Variants in IL1RAPL1 observed in about 807,000 individuals in gnomAD.
IL1RAPL1 encodes the protein interleukin-1 receptor accessory protein-like 1.
A neutral mutation model predicts 48.4 loss-of-function variants in IL1RAPL1; 3 were observed. The ratio of observed to expected loss-of-function variants is 0.06; its 90% CI spans 0.03 to 0.16. The LOEUF (loss-of-function observed/expected upper bound fraction) is 0.16. Ranked by LOEUF, IL1RAPL1 falls within the 10% of genes least tolerant of loss-of-function variation. The pLI is 1.00. For missense variants in IL1RAPL1, 349 were observed against 530.6 expected, an observed-to-expected ratio of 0.66 and a Z score of 3.36; for synonymous variants, 185 against 187.7, an observed-to-expected ratio of 0.99 and a Z score of 0.12.
chrX:29,631,623 T>A (rs1461154389), intron 5 of IL1RAPL1, among the ~76,000 whole-genome samples: 2 of 111,255 alleles, frequency 1.8e-5, no homozygotes, highest in Admixed American at 9.6e-5. Flanking sequence ...ATGCTATATG[T>A]CATAGATATT....
chrX:29,206,475 A>G (rs1930668928), intron 2 of IL1RAPL1, among the ~76,000 whole-genome samples: 1 of 111,572 alleles, frequency 9.0e-6, no homozygotes, highest in South Asian at 3.7e-4. Context: ...AGACAATTAC[A>G]TTTGAGATTG....
intron 5 of IL1RAPL1, among the ~76,000 whole-genome samples, chrX:29,509,875 C>A (rs1410424310): frequency 2.7e-5 from 3 of 111,995 alleles, no homozygotes; most frequent in Non-Finnish European, 5.6e-5. Flanking sequence ...TTAGAGTAAT[C>A]TTGGAAGTAA....
At chrX:29,073,430 G>C (rs1361398222) in intron 2 of IL1RAPL1, among the ~76,000 whole-genome samples, 1 of 111,197 alleles carries the variant, frequency 9.0e-6, no homozygotes, top group African/African-American at 3.3e-5. Flanking sequence ...CTCTCGCTTT[G>C]ATTACACCGT....
At chrX:29,215,040 T>G (rs2147545031) in intron 2 of IL1RAPL1, among the ~76,000 whole-genome samples, 1 of 111,422 alleles carries the variant, frequency 9.0e-6, no homozygotes, top group Non-Finnish European at 1.9e-5. Context: ...TACTAAAGGC[T>G]GTCAAGATTT....
intron 1 of IL1RAPL1, among the ~76,000 whole-genome samples, chrX:28,609,184 T>C (rs1212599524): frequency 2.7e-5 from 3 of 112,189 alleles, no homozygotes; most frequent in Non-Finnish European, 5.6e-5. Flanking sequence ...CTTCCTTTAT[T>C]ATTGCTTCAA....
In IL1RAPL1 at chrX:29,203,728, T is replaced by G. The variant is rs1205944414; in HGVS notation, c.83-79210T>G. On this transcript the variant is annotated intron_variant, in intron 2 of 10. Transcript: ENST00000378993. ...GAGCAAAACTCCGTCTCAAAATATATATATATATATATATATATATATATA... is the reference window on the plus strand; with the variant it reads ...GAGCAAAACTCCGTCTCAAAATATAGATATATATATATATATATATATATA... Among the ~76,000 whole-genome samples, 57 of 6,990 alleles carry G rather than the reference T, an allele frequency of 8.2e-3. 2 individuals are homozygous for G. Among genetic ancestry groups the G allele is most frequent in the African/African-American group, 0.022 (56 of 2,513 alleles). The allele number at this position is 6,990 out of a possible 115,157, so 6.1% of individuals were successfully genotyped here. A position where few individuals can be genotyped will look rare whatever the true frequency, so the allele number is the denominator to read the frequency against.
At chrX:29,752,368 C>T (rs1004984993) in intron 6 of IL1RAPL1, among the ~76,000 whole-genome samples, 11 of 106,611 alleles carry the variant, frequency 1.0e-4, no homozygotes, top group East Asian at 2.9e-4. Context: ...TTGCGGCATG[C>T]GCCTGTAGTC....
chrX:29,954,469 T>G, intron 9 of IL1RAPL1, 53 bp from the exon 10 acceptor site: 1 of 1,018,348 alleles, frequency 9.8e-7, no homozygotes, highest in Non-Finnish European at 1.4e-6. Flanking sequence ...TCATGTCCTA[T>G]TGTTATCTTT....
chrX:29,701,704 C>T (rs1287814109), intron 6 of IL1RAPL1, among the ~76,000 whole-genome samples: 1 of 111,309 alleles, frequency 9.0e-6, no homozygotes, highest in East Asian at 2.8e-4. Flanking sequence ...AGACCTTTTA[C>T]ACCTGACCTC....
intron 2 of IL1RAPL1, among the ~76,000 whole-genome samples, chrX:29,059,812 C>T (rs1927301942): frequency 9.0e-6 from 1 of 111,380 alleles, no homozygotes; most frequent in African/African-American, 3.3e-5. Flanking sequence ...GCTATATGAA[C>T]AATTATTATC....
At chrX:29,584,271 C>T (rs902268534) in intron 5 of IL1RAPL1, among the ~76,000 whole-genome samples, 1 of 111,375 alleles carries the variant, frequency 9.0e-6, no homozygotes, top group African/African-American at 3.3e-5. Context: ...TTTCTCCCAT[C>T]ATCAATTTTC....
chrX:29,333,730 C>T lies in IL1RAPL1; in HGVS notation c.362+50513C>T, dbSNP rs1471961944. Among the ~76,000 whole-genome samples the T allele has an allele frequency of 3.1e-4, 24 of 78,396 alleles. No individual in the cohort carries two copies. The East Asian group carries it at 7.3e-3, about 24-fold the overall frequency. The allele number at this position is 78,396 out of a possible 115,157, so 68.1% of individuals were successfully genotyped here. ...GGGGCTGACCCCCCCACCTCCCTCC[C>T]GGACGGGGCGGCTGGCCGGGTGGGG... On this transcript the variant is annotated intron_variant, in intron 3 of 10. Transcript: ENST00000378993.
rs181797643 is a variant in IL1RAPL1 at position 29,630,939 on chromosome X, G to A, written c.704-37491G>A. Among the ~76,000 whole-genome samples the A allele has an allele frequency of 4.5e-4, 51 of 112,380 alleles. No individual in the cohort carries two copies. The South Asian group carries it at 0.013, about 30-fold the overall frequency. On this transcript the variant is annotated intron_variant, in intron 5 of 10. Coordinates refer to ENST00000378993, the MANE Select transcript of IL1RAPL1 (RefSeq NM_014271.4). ...ATTTTGACTTCTAAAAATGTAAAAT[G>A]TGCATCAAAATTATACATTTTTGGT... is the stretch of plus-strand genomic sequence containing the variant.
intron 6 of IL1RAPL1, among the ~76,000 whole-genome samples, chrX:29,846,769 C>A (rs756948386): frequency 2.4e-5 from 2 of 84,486 alleles, no homozygotes; most frequent in East Asian, 6.8e-4. Context: ...TATATATATA[C>A]ATATATATGT....
chrX:28,655,008 G>T (rs1410649890), intron 1 of IL1RAPL1, among the ~76,000 whole-genome samples: 2 of 111,149 alleles, frequency 1.8e-5, no homozygotes, highest in African/African-American at 6.6e-5. Flanking sequence ...GGTGCCGTTG[G>T]GGGTGGGAGG....
chrX:29,648,723 A>T (rs1344216683), intron 5 of IL1RAPL1, among the ~76,000 whole-genome samples: 1 of 111,617 alleles, frequency 9.0e-6, no homozygotes, highest in Non-Finnish European at 1.9e-5. Context: ...ACTGCAAGGA[A>T]CTAGAAAAAC....
chrX:29,049,729 C>T (rs1257545482), intron 2 of IL1RAPL1, among the ~76,000 whole-genome samples: 1 of 112,278 alleles, frequency 8.9e-6, no homozygotes, highest in Non-Finnish European at 1.9e-5. Context: ...ATTAATTAAA[C>T]TGATTAACTT....
At chrX:29,207,249 C>T (rs1291664785) in intron 2 of IL1RAPL1, among the ~76,000 whole-genome samples, 9 of 111,745 alleles carry the variant, frequency 8.1e-5, no homozygotes, top group African/African-American at 2.9e-4. Flanking sequence ...TTGAAGTCAT[C>T]AAAGATAAAG....
Position 29,042,919 on chromosome X carries a change from GTA to G in IL1RAPL1, c.83-240014_83-240013del, listed in dbSNP as rs757122671. The stretch of plus-strand genomic sequence containing the variant: ...CTTTCTACGAAAATGTAGGGAAAGT[GTA>G]TATAGATTTTTAATTGATGTTTTGA... On this transcript the variant is annotated intron_variant, in intron 2 of 10. Coordinates refer to ENST00000378993, the MANE Select transcript of IL1RAPL1 (RefSeq NM_014271.4). Among the ~76,000 whole-genome samples the G allele has an allele frequency of 3.6e-5, 4 of 112,147 alleles. No individual in the cohort carries two copies. The East Asian group carries it at 8.4e-4, about 24-fold the overall frequency.
Sources: gnomAD v4.1 joint callset for allele counts (sites outside exome capture counted in the v4.1 genomes callset) on GRCh38, gnomAD v4.1.1 for gene constraint, MANE v1.5 for transcripts, NCBI Gene and HGNC (gene_info 2026-07-23, HGNC 2026-07-21) for gene names.